The following EPB41L1 variants were observed in gnomAD, a reference collection of about 807,000 sequenced individuals.
The protein encoded by EPB41L1 is band 4.1-like protein 1.
EPB41L1 carries 29 observed loss-of-function variants against 97.8 expected under a neutral mutation model. The observed-to-expected ratio is 0.30, with a 90% confidence interval of 0.22 to 0.40. The LOEUF is 0.40. EPB41L1 is among the 10% of genes least tolerant of loss of function. EPB41L1 has a pLI of 1.00. For synonymous variants in EPB41L1, 383 were observed against 459.2 expected (o/e 0.83, Z 2.12); for missense variants, 812 against 1,162.3 (o/e 0.70, Z 4.38).
upstream of EPB41L1, among the ~76,000 whole-genome samples, chr20:36,153,414 T>G (rs1271717361): frequency 1.3e-5 from 2 of 152,130 alleles, no homozygotes; most frequent in African/African-American, 4.8e-5. Flanking sequence ...CTTCCCAGCT[T>G]GGGGCCTCTG....
At chr20:36,173,288 A>G (rs1376794149) in intron 1 of EPB41L1, among the ~76,000 whole-genome samples, 1 of 152,180 alleles carries the variant, frequency 6.6e-6, no homozygotes, top group Non-Finnish European at 1.5e-5. Context: ...AGCTTGGGGT[A>G]TGAAGAGGTG....
upstream of EPB41L1, chr20:36,154,660 C>G (rs1354587923): frequency 1.4e-5 from 14 of 972,862 alleles, no homozygotes; most frequent in Admixed American, 8.3e-4. This position sits in a 1 kb window ranked among gnomAD's most constrained non-coding sequence, Gnocchi z 5.5. Context: ...GGCCGCGCGT[C>G]GGGCGCCAGG....
At chr20:36,174,129 T>C (rs911536368) in intron 2 of EPB41L1, among the ~76,000 whole-genome samples, 175 bp downstream of exon 2, 2 of 152,186 alleles carry the variant, frequency 1.3e-5, no homozygotes, top group Non-Finnish European at 2.9e-5. Context: ...ATTTTCTTTT[T>C]TGAGACAGAT....
At chr20:36,171,362 T>C (rs1448272473) in intron 1 of EPB41L1, among the ~76,000 whole-genome samples, 1 of 152,034 alleles carries the variant, frequency 6.6e-6, no homozygotes, top group Admixed American at 6.5e-5. Context: ...GTCCTGTAAG[T>C]GACAGAGAGC....
chr20:36,188,623 CACACACACACACACACACAGAGAGAG>C (rs2061791809), intron 9 of EPB41L1, 124 bp downstream of exon 9: 9 of 683,084 alleles, frequency 1.3e-5, no homozygotes, highest in African/African-American at 1.3e-4. Flanking sequence ...CACACACACA[CACACACACACACACACACAGAGAGAG>C]AGAGAGAGAG....
chr20:36,211,848 T>C (rs1244331112), intron 15 of EPB41L1, among the ~76,000 whole-genome samples: 1 of 152,090 alleles, frequency 6.6e-6, no homozygotes, highest in Non-Finnish European at 1.5e-5. Flanking sequence ...AGGGAGAGTC[T>C]GTCTCAAGAA....
chr20:36,206,675 C>G lies in EPB41L1; in HGVS notation c.1669-2813C>G. 4.7e-6 allele frequency: 6 copies of G among 1,289,842 alleles called. No individual in the cohort carries two copies. The highest frequency in any genetic ancestry group is 6.1e-6 in the Non-Finnish European group (6 of 988,882). 79.9% of individuals were successfully genotyped at this position (1,289,842 alleles called of 1,614,324 possible). On this transcript the variant is annotated intron_variant, in intron 14 of 21. Coordinates refer to ENST00000338074, the MANE Select transcript of EPB41L1 (RefSeq NM_012156.2). This position sits in a 1 kb window ranked among gnomAD's most constrained non-coding sequence, Gnocchi z 5.5. The stretch of plus-strand genomic sequence containing the variant: ...TCCCCAAAGGAAGGGGCAGGGACCC[C>G]CAAGAACCATGGAGGACCTGGTGAC...
chr20:36,192,403 C>T (rs924512010), intron 11 of EPB41L1, among the ~76,000 whole-genome samples: 1 of 151,516 alleles, frequency 6.6e-6, no homozygotes, highest in Non-Finnish European at 1.5e-5. Flanking sequence ...TGGTGGCAGG[C>T]GCCTGTAGTC....
At chr20:36,205,486 C>T (rs547926449) in intron 14 of EPB41L1, among the ~76,000 whole-genome samples, 14 of 152,318 alleles carry the variant, frequency 9.2e-5, no homozygotes, top group East Asian at 7.7e-4. Flanking sequence ...TGACTTTCCC[C>T]TCTGACGGTG....
chr20:36,133,226 T>C (rs1782276583), intron 2 of EPB41L1, among the ~76,000 whole-genome samples: 1 of 152,266 alleles, frequency 6.6e-6, no homozygotes, highest in African/African-American at 2.4e-5. Context: ...ATGAGTTCCA[T>C]TCTGGCTGAG....
At chr20:36,158,685 A>G (rs2060411908) in intron 1 of EPB41L1, among the ~76,000 whole-genome samples, 1 of 152,230 alleles carries the variant, frequency 6.6e-6, no homozygotes, top group South Asian at 2.1e-4. Context: ...GGCCTTGGGC[A>G]CATCACTCAG....
chr20:36,213,159 A>G (rs1003951192), intron 16 of EPB41L1, among the ~76,000 whole-genome samples: 2 of 152,200 alleles, frequency 1.3e-5, no homozygotes, highest in African/African-American at 4.8e-5. Flanking sequence ...GCACTTTGTG[A>G]GGCCAAGGCA....
chr20:36,149,337 C>G (rs972555083), intron 2 of EPB41L1, among the ~76,000 whole-genome samples: 3 of 152,218 alleles, frequency 2.0e-5, no homozygotes, highest in Non-Finnish European at 4.4e-5. Context: ...ATACTGTGAC[C>G]TGCTATGCAG....
chr20:36,154,069 C>T (rs1453613280), upstream of EPB41L1, among the ~76,000 whole-genome samples: 1 of 152,184 alleles, frequency 6.6e-6, no homozygotes, highest in Non-Finnish European at 1.5e-5. This position sits in a 1 kb window ranked among gnomAD's most constrained non-coding sequence, Gnocchi z 5.5. Flanking sequence ...CTGTCATTGT[C>T]ACCAAGGCGC....
At chr20:36,151,537 CAT>C (rs989236173), upstream of EPB41L1, 10 of 152,240 alleles carry the variant, frequency 6.6e-5, no homozygotes, top group African/African-American at 1.9e-4. Flanking sequence ...CTTCTTTCTC[CAT>C]GAGACTTGGT....
chr20:36,217,468 G>A (rs1442352078), intron 17 of EPB41L1, among the ~76,000 whole-genome samples: 1 of 152,208 alleles, frequency 6.6e-6, no homozygotes, highest in East Asian at 1.9e-4. Flanking sequence ...ATACAGGAGA[G>A]GAAGGGAGGA....
chr20:36,123,178 G>A (rs558559230), intron 2 of EPB41L1, among the ~76,000 whole-genome samples: 27 of 152,104 alleles, frequency 1.8e-4, no homozygotes, highest in Admixed American at 1.6e-3. Flanking sequence ...ATGATCGGGG[G>A]GGAGGGGCAG....
intron 15 of EPB41L1, among the ~76,000 whole-genome samples, chr20:36,211,047 C>T (rs561529737): frequency 4.0e-5 from 6 of 151,752 alleles, no homozygotes; most frequent in South Asian, 2.1e-4. Context: ...CACTCCAGCC[C>T]GGGCGACAGA....
At chr20:36,098,758 A>G (rs957821792) in intron 1 of EPB41L1, among the ~76,000 whole-genome samples, 1 of 152,132 alleles carries the variant, frequency 6.6e-6, no homozygotes, top group Non-Finnish European at 1.5e-5. Flanking sequence ...GAAGTTGGGG[A>G]GGAGTGCATG....
Sources: gnomAD v4.1 joint callset for allele counts (sites outside exome capture counted in the v4.1 genomes callset) on GRCh38, gnomAD v4.1.1 for gene constraint, Gnocchi (gnomAD v3.1) non-coding constraint, MANE v1.5 for transcripts, NCBI Gene and HGNC (gene_info 2026-07-23, HGNC 2026-07-21) for gene names.